The following PCDHA2 variants were observed in gnomAD, a reference collection of about 807,000 sequenced individuals.
PCDHA2 encodes the protein protocadherin alpha 2.
PCDHA2 carries 58 observed loss-of-function variants against 66.0 expected under a neutral mutation model. That is an observed-to-expected ratio of 0.88 (90% CI 0.71 to 1.09). PCDHA2 has a LOEUF of 1.09. PCDHA2 is among the 50% of genes least tolerant of loss of function. The probability of loss-of-function intolerance (pLI) is 0.00; values close to 1 mark genes in which losing one functional copy is unlikely to be tolerated. For missense variants in PCDHA2, 1,267 were observed against 1,242.3 expected (o/e 1.02, Z -0.30); for synonymous variants, 634 against 554.0 (o/e 1.14, Z -2.03).
intron 1 of PCDHA2, chr5:140,871,327 C>T (rs782093100): frequency 6.2e-6 from 10 of 1,613,984 alleles, no homozygotes; most frequent in East Asian, 4.5e-5. Context: ...GGTGTGCTCC[C>T]GCGCGGTGGG....
At chr5:140,923,826 T>A (rs2081533545) in intron 1 of PCDHA2, among the ~76,000 whole-genome samples, 1 of 152,218 alleles carries the variant, frequency 6.6e-6, no homozygotes, top group East Asian at 1.9e-4. Context: ...TAGACGTCAG[T>A]GGCAGTTTAA....
Position 141,009,714 on chromosome 5 carries a change from A to G in PCDHA2, c.2624A>G (p.Lys875Arg), listed in dbSNP as rs1175529844. 1 of 1,613,966 alleles carries G rather than the reference A, an allele frequency of 6.2e-7. No homozygotes were observed. Among genetic ancestry groups the G allele is most frequent in the Non-Finnish European group, 8.5e-7 (1 of 1,180,012 alleles). Reference protein sequence around the residue: ...WTFKYGPGNPKQSGPGELPDK... With the variant: ...WTFKYGPGNPRQSGPGELPDK... ...TTTAAATACGGACCAGGCAACCCCA[A>G]ACAATCCGGTCCCGGTGAGTTGCCC... The change falls in exon 4 of 4, where the codon AAA becomes AGA. Residue 875 changes from lysine to arginine, a missense_variant. By Grantham distance (26) the Lys-to-Arg change is conservative. Transcript: ENST00000526136.
In PCDHA2 at chr5:140,797,151, G is replaced by T; in HGVS notation, c.2187G>T (p.Glu729Asp). ...TALRCSVPPTEGARAPGKPTL... is the reference protein window; with the variant it reads ...TALRCSVPPTDGARAPGKPTL... ...TGCGGTGCTCGGTGCCACCCACCGA[G>T]GGTGCGCGCGCGCCAGGAAAGCCCA... The change falls in exon 1 of 4, where the codon GAG becomes GAT. Residue 729 changes from glutamate to aspartate, a missense_variant. By Grantham distance (45) the Glu-to-Asp change is conservative. Coordinates refer to ENST00000526136, the MANE Select transcript of PCDHA2 (RefSeq NM_018905.3). The T allele has an allele frequency of 6.2e-7, 1 of 1,613,964 alleles. No individual in the cohort carries two copies. The highest frequency in any genetic ancestry group is 8.5e-7 in the Non-Finnish European group (1 of 1,179,976).
intron 1 of PCDHA2, chr5:140,822,046 C>T (rs2150113189): frequency 6.2e-6 from 10 of 1,614,162 alleles, no homozygotes; most frequent in Middle Eastern, 3.3e-4. Flanking sequence ...TCGGATCGAC[C>T]GGGAGGAGCT....
In PCDHA2 at chr5:140,796,574, C is replaced by T. The variant is rs782655019; in HGVS notation, c.1610C>T (p.Ala537Val). 6.2e-7 allele frequency: 1 copy of T among 1,613,270 alleles called. No individual in the cohort carries two copies. Among genetic ancestry groups the T allele is most frequent in the Non-Finnish European group, 8.5e-7 (1 of 1,179,870 alleles). Residue 537 changes from alanine (A) to valine (V), a missense_variant, in exon 1 of 4, where the codon GCG becomes GTG. Coordinates refer to ENST00000526136, the MANE Select transcript of PCDHA2 (RefSeq NM_018905.3). ...GAGCTGCTGCAGTTCCAGGTGAGCG[C>T]GCGGGATGCGGGCGTGCCGCCTCTG... Reference protein sequence around the residue: ...EVELLQFQVSARDAGVPPLGS... With the variant: ...EVELLQFQVSVRDAGVPPLGS...
intron 1 of PCDHA2, chr5:140,927,907 G>A (rs1179807732): frequency 4.9e-5 from 79 of 1,614,038 alleles, no homozygotes; most frequent in Non-Finnish European, 6.6e-5. Flanking sequence ...TCATGCCCCC[G>A]AACTGGACTT....
intron 1 of PCDHA2, chr5:140,848,598 G>T (rs2150413954): frequency 1.3e-6 from 2 of 1,593,946 alleles, no homozygotes; most frequent in African/African-American, 1.3e-5. Context: ...CCACTACTCC[G>T]TCCCGGAGGA....
intron 1 of PCDHA2, chr5:140,851,374 C>A: frequency 4.1e-6 from 4 of 975,728 alleles, no homozygotes; most frequent in Non-Finnish European, 5.0e-6. Flanking sequence ...TCTGATTGTT[C>A]AGCAACCTTC....
intron 1 of PCDHA2, chr5:140,870,634 G>C: frequency 6.2e-7 from 1 of 1,612,862 alleles, no homozygotes; most frequent in Non-Finnish European, 8.5e-7. Context: ...GTCGGTGCAC[G>C]CGGAGAGCGG....
intron 1 of PCDHA2, chr5:140,801,369 G>C (rs782156109): frequency 1.2e-6 from 2 of 1,613,508 alleles, no homozygotes; most frequent in South Asian, 2.2e-5. Context: ...GGAGCTGGCG[G>C]AGCTGGTGCC....
At chr5:140,930,168 C>T (rs2086634095) in intron 1 of PCDHA2, 1 of 152,048 alleles carries the variant, frequency 6.6e-6, no homozygotes, top group Non-Finnish European at 1.5e-5. Context: ...TAATATTTTA[C>T]AAAGAGGAAA....
At chr5:140,897,803 C>G (rs1285512803) in intron 1 of PCDHA2, among the ~76,000 whole-genome samples, 1 of 152,130 alleles carries the variant, frequency 6.6e-6, no homozygotes, top group Non-Finnish European at 1.5e-5. Context: ...AGAGTCCCAC[C>G]AACAGTGTAA....
At chr5:140,926,738 G>T in intron 1 of PCDHA2, 1 of 1,162,106 alleles carries the variant, frequency 8.6e-7, no homozygotes, top group Non-Finnish European at 1.1e-6. Context: ...TTCGGGAGGC[G>T]CAACGTCGGC....
Position 140,797,014 on chromosome 5 carries a change from G to T in PCDHA2, c.2050G>T (p.Val684Leu), listed in dbSNP as rs1307311865. The change falls in exon 1 of 4, where the codon GTG (valine) becomes TTG (leucine). Residue 684 changes from valine to leucine, a missense_variant. By Grantham distance (32) the Val-to-Leu change is conservative. Coordinates refer to ENST00000526136, the MANE Select transcript of PCDHA2 (RefSeq NM_018905.3). ...QAPKASSRAW[V>L]GAAGSEATLV... ...ACCCAAGGCCTCGTCGCGGGCGTGG[G>T]TGGGCGCCGCGGGCTCAGAGGCTAC... 1.9e-6 allele frequency: 3 copies of T among 1,613,654 alleles called. No individual in the cohort carries two copies. Among genetic ancestry groups the T allele is most frequent in the Non-Finnish European group, 2.5e-6 (3 of 1,179,988 alleles).
At position 140,834,385 on chromosome 5, in the gene PCDHA2, T is replaced by G. The variant is rs200135571; in HGVS notation, c.2388+37033T>G. The G allele has an allele frequency of 5.7e-5, 89 of 1,568,318 alleles. No homozygotes were observed. In the African/African-American group the frequency reaches 1.1e-3, roughly 20 times the overall value. On this transcript the variant is annotated intron_variant, in intron 1 of 3. Transcript: ENST00000526136. ...AGAAAAACAAGCCAATAATTTGAAA[T>G]GGTGTGCCCGAATGGATACGACCCA...
chr5:140,833,761 C>A (rs1284549843), intron 1 of PCDHA2, among the ~76,000 whole-genome samples: 5 of 151,960 alleles, frequency 3.3e-5, no homozygotes, highest in African/African-American at 7.3e-5. Context: ...AACACACACA[C>A]ACACACCGCT....
intron 1 of PCDHA2, among the ~76,000 whole-genome samples, chr5:140,805,836 C>G (rs1340568137): frequency 6.6e-6 from 1 of 152,126 alleles, no homozygotes; most frequent in African/African-American, 2.4e-5. Flanking sequence ...ATTTTCCCAA[C>G]TAGATATGCG....
intron 1 of PCDHA2, among the ~76,000 whole-genome samples, chr5:140,871,887 G>T (rs1294459270): frequency 6.6e-6 from 1 of 152,170 alleles, no homozygotes; most frequent in Non-Finnish European, 1.5e-5. Flanking sequence ...GCTCCTCTTT[G>T]TCTTTTAGCA....
chr5:140,899,606 A>G (rs1330407383), intron 1 of PCDHA2, among the ~76,000 whole-genome samples: 1 of 152,168 alleles, frequency 6.6e-6, no homozygotes, highest in Non-Finnish European at 1.5e-5. Flanking sequence ...GGACTTTTGC[A>G]TCAATGTTCA....
Sources: allele counts gnomAD v4.1 joint callset (sites outside exome capture counted in the v4.1 genomes callset), GRCh38; gene constraint gnomAD v4.1.1; transcripts MANE v1.5; gene names NCBI Gene and HGNC (gene_info 2026-07-23, HGNC 2026-07-21).